Variants in CDH4 observed in about 807,000 individuals in gnomAD.
CDH4 encodes the protein cadherin-4.
In CDH4, 33 loss-of-function variants were observed where a neutral mutation model predicts 86.0. The ratio of observed to expected loss-of-function variants is 0.38; its 90% CI spans 0.29 to 0.51. CDH4 has a LOEUF of 0.51. Among genes scored for constraint, CDH4 ranks in the 20% least tolerant of loss-of-function variants. CDH4 has a pLI of 0.86. For synonymous variants in CDH4, 555 were observed against 549.4 expected (o/e 1.01, Z -0.14); for missense variants, 1,114 against 1,307.4 (o/e 0.85, Z 2.28).
At chr20:61,656,630 GCCACT>G (rs2087194790) in intron 2 of CDH4, among the ~76,000 whole-genome samples, 1 of 152,172 alleles carries the variant, frequency 6.6e-6, no homozygotes, top group Admixed American at 6.5e-5. Flanking sequence ...GGGCTCCACA[GCCACT>G]CTCCTGGGTG....
At chr20:61,923,239 C>G (rs2055003245) in intron 9 of CDH4, among the ~76,000 whole-genome samples, 1 of 152,246 alleles carries the variant, frequency 6.6e-6, no homozygotes, top group Non-Finnish European at 1.5e-5. Context: ...CCTCCTCCCT[C>G]TCTCCTCCCA....
At chr20:61,457,842 G>A (rs899219573) in intron 2 of CDH4, among the ~76,000 whole-genome samples, 1 of 151,588 alleles carries the variant, frequency 6.6e-6, no homozygotes. Context: ...GGTGACAACA[G>A]TGTTGACACT....
At chr20:61,608,893 G>A (rs1277105062) in intron 2 of CDH4, among the ~76,000 whole-genome samples, 1 of 152,116 alleles carries the variant, frequency 6.6e-6, no homozygotes, top group African/African-American at 2.4e-5. Context: ...GCTGGCAGCT[G>A]GGGCCTTGGC....
intron 2 of CDH4, among the ~76,000 whole-genome samples, chr20:61,445,936 G>A (rs186629792): frequency 1.5e-4 from 23 of 152,328 alleles, no homozygotes; most frequent in Middle Eastern, 3.4e-3. Flanking sequence ...CCTCCAGAAC[G>A]CTGGCCCTGG....
chr20:61,482,439 T>C (rs1405979576), intron 2 of CDH4, among the ~76,000 whole-genome samples: 4 of 152,162 alleles, frequency 2.6e-5, no homozygotes, highest in African/African-American at 9.7e-5. Context: ...GAGGTCGCTG[T>C]TTTCTCTCTT....
chr20:61,463,568 A>G (rs2085456662), intron 2 of CDH4, among the ~76,000 whole-genome samples: 2 of 152,220 alleles, frequency 1.3e-5, no homozygotes, highest in African/African-American at 4.8e-5. Flanking sequence ...TTCCCCACCC[A>G]ATCAGTCAGG....
intron 2 of CDH4, among the ~76,000 whole-genome samples, chr20:61,566,088 C>T (rs1450427445): frequency 3.3e-5 from 5 of 152,178 alleles, no homozygotes; most frequent in African/African-American, 4.8e-5. Flanking sequence ...CCTGGTGCCT[C>T]GGGCTGAGTC....
chr20:61,699,501 T>C (rs1385185431), intron 2 of CDH4, among the ~76,000 whole-genome samples: 1 of 150,874 alleles, frequency 6.6e-6, no homozygotes, highest in Non-Finnish European at 1.5e-5. Flanking sequence ...AATTAGGATA[T>C]GTGGCAGCAG....
In CDH4 at chr20:61,936,857, G is replaced by A. The variant is rs1316308538; in HGVS notation, c.2665G>A (p.Gly889Arg). 1.2e-5 allele frequency: 20 copies of A among 1,608,792 alleles called. No homozygotes were observed. Among genetic ancestry groups the A allele is most frequent in the African/African-American group, 6.7e-5 (5 of 74,786 alleles). ...SVSSLNSSSSGDQDYDYLNDW... is the reference protein window; with the variant it reads ...SVSSLNSSSSRDQDYDYLNDW... ...CAGCTCCCTGAACTCATCCAGTTCC[G>A]GGGACCAAGACTACGATTACCTCAA... The change falls in exon 16 of 16, where the codon GGG (glycine) becomes AGG (arginine). Residue 889 changes from glycine (G) to arginine (R), a missense_variant. Transcript: ENST00000614565.
In CDH4 at chr20:61,684,700, A is replaced by G. The variant is rs2087554904; in HGVS notation, c.170-58863A>G. Among the ~76,000 whole-genome samples the G allele has an allele frequency of 1.3e-5, 2 of 152,070 alleles. No homozygotes were observed. Among genetic ancestry groups the G allele is most frequent in the South Asian group, 4.1e-4 (2 of 4,820 alleles). ...ACAAACCATCTTAGCGTTTTTGTGC[A>G]AACAGCTCCCAATCCTCGCCAGCAC... On this transcript the variant is annotated intron_variant, in intron 2 of 15. Transcript: ENST00000614565. The surrounding 1 kb of genome is among the most constrained non-coding windows in gnomAD (Gnocchi z 4.5).
At chr20:61,833,825 GGATTTAAA>G (rs1981736675) in intron 4 of CDH4, among the ~76,000 whole-genome samples, 2 of 152,178 alleles carry the variant, frequency 1.3e-5, no homozygotes, top group African/African-American at 4.8e-5. Context: ...TCTGCAGGCT[GGATTTAAA>G]AAATCCCATT....
At chr20:61,634,326 G>A (rs2145792563) in intron 2 of CDH4, among the ~76,000 whole-genome samples, 1 of 152,332 alleles carries the variant, frequency 6.6e-6, no homozygotes, top group Non-Finnish European at 1.5e-5. Context: ...CCCCCAGAAG[G>A]AATGGTGAAA....
At chr20:61,791,236 C>G (rs1025997249) in intron 4 of CDH4, among the ~76,000 whole-genome samples, 1 of 152,260 alleles carries the variant, frequency 6.6e-6, no homozygotes, top group African/African-American at 2.4e-5. Flanking sequence ...TTGGGGAAAG[C>G]CATTCCATTT....
chr20:61,839,335 T>A (rs1196092326), intron 4 of CDH4, among the ~76,000 whole-genome samples: 1 of 151,884 alleles, frequency 6.6e-6, no homozygotes, highest in Non-Finnish European at 1.5e-5. Context: ...TTCGTGCGTA[T>A]GCATATTTTG....
chr20:61,922,277 G>A (rs976349448), intron 9 of CDH4, among the ~76,000 whole-genome samples: 2 of 152,196 alleles, frequency 1.3e-5, no homozygotes, highest in African/African-American at 4.8e-5. Flanking sequence ...CTTTGCCATT[G>A]AACGTCTCAG....
chr20:61,934,919 C>T (rs1465156045), intron 15 of CDH4, among the ~76,000 whole-genome samples: 1 of 152,274 alleles, frequency 6.6e-6, no homozygotes, highest in African/African-American at 2.4e-5. Flanking sequence ...TGAAACATCG[C>T]TTACAATGTC....
chr20:61,440,409 C>T lies in CDH4; in HGVS notation c.169+185472C>T, dbSNP rs6061422. On this transcript the variant is annotated intron_variant, in intron 2 of 15. Transcript: ENST00000614565. Reference sequence around the variant, plus strand: ...TTGAGCAGCCACAATGCTTGTTAGCCGCAACAAGTCAAGTAGGACGCAGTC... The same window carrying T: ...TTGAGCAGCCACAATGCTTGTTAGCTGCAACAAGTCAAGTAGGACGCAGTC... Among the ~76,000 whole-genome samples the T allele has an allele frequency of 5.3e-3, 811 of 152,288 alleles. 14 individuals carry two copies. Among genetic ancestry groups the T allele is most frequent in the African/African-American group, 0.018 (747 of 41,550 alleles).
intron 4 of CDH4, among the ~76,000 whole-genome samples, chr20:61,808,653 G>A (rs539288491): frequency 1.3e-4 from 20 of 152,312 alleles, no homozygotes; most frequent in African/African-American, 3.6e-4. Flanking sequence ...CAGCTTCTCC[G>A]GCAGCACGCC....
At chr20:61,276,461 G>T (rs1265134152) in intron 2 of CDH4, among the ~76,000 whole-genome samples, 1 of 152,188 alleles carries the variant, frequency 6.6e-6, no homozygotes, top group Non-Finnish European at 1.5e-5. Context: ...GCTAATCTTG[G>T]TGTTTACCTG....
Sources: allele counts gnomAD v4.1 joint callset (sites outside exome capture counted in the v4.1 genomes callset), GRCh38; gene constraint gnomAD v4.1.1; non-coding constraint Gnocchi (gnomAD v3.1); transcripts MANE v1.5; gene names NCBI Gene and HGNC (gene_info 2026-07-23, HGNC 2026-07-21).